The following KLF12 variants were observed in gnomAD, a reference collection of about 807,000 sequenced individuals.
KLF12 encodes KLF transcription factor 12, also known as Krueppel-like factor 12.
In KLF12, 9 loss-of-function variants were observed where a neutral mutation model predicts 37.8. The ratio of observed to expected loss-of-function variants is 0.24; its 90% confidence interval spans 0.14 to 0.42. The LOEUF (loss-of-function observed/expected upper bound fraction) is 0.42. Ranked by LOEUF, KLF12 falls within the 10% of genes least tolerant of loss-of-function variation. The pLI, the probability that KLF12 is intolerant of heterozygous loss-of-function variation, is 1.00. For synonymous variants in KLF12, 208 were observed against 202.1 expected (o/e 1.03, Z -0.25); for missense variants, 411 against 516.0 (o/e 0.80, Z 1.97).
intron 3 of KLF12, among the ~76,000 whole-genome samples, chr13:73,899,213 A>G (rs980086070): frequency 1.1e-4 from 17 of 152,208 alleles, no homozygotes; most frequent in Non-Finnish European, 2.1e-4. Flanking sequence ...GTGGAATAAA[A>G]GCAAGCATGA....
chr13:73,738,121 A>ATATATATG, intron 6 of KLF12, among the ~76,000 whole-genome samples: 1 of 54,094 alleles, frequency 1.8e-5, no homozygotes, highest in South Asian at 5.6e-4. Context: ...ATATATATAT[A>ATATATATG]TATACACACA....
chr13:73,747,044 T>C (rs1039895753), intron 6 of KLF12, among the ~76,000 whole-genome samples: 40 of 152,146 alleles, frequency 2.6e-4, no homozygotes, highest in Non-Finnish European at 5.6e-4. Flanking sequence ...CTCGAACTCC[T>C]GACCTCAAGT....
chr13:73,769,168 T>C (rs1880117419), intron 5 of KLF12, among the ~76,000 whole-genome samples: 1 of 152,224 alleles, frequency 6.6e-6, no homozygotes, highest in Non-Finnish European at 1.5e-5. Flanking sequence ...TTTAAATACA[T>C]AATGTACAAC....
At chr13:73,838,346 A>G (rs1159654306) in intron 4 of KLF12, among the ~76,000 whole-genome samples, 1 of 152,164 alleles carries the variant, frequency 6.6e-6, no homozygotes, top group Non-Finnish European at 1.5e-5. Flanking sequence ...AAACTCCTGA[A>G]TGGATGCTAT....
At chr13:73,981,281 G>A (rs1265970147) in intron 2 of KLF12, among the ~76,000 whole-genome samples, 1 of 149,806 alleles carries the variant, frequency 6.7e-6, no homozygotes, top group Non-Finnish European at 1.5e-5. Context: ...ATATTCCAGA[G>A]AAAATCTTCT....
At chr13:74,298,379 G>A in the KLF12 span, among the ~76,000 whole-genome samples, 2 of 152,132 alleles carry the variant, frequency 1.3e-5, no homozygotes, top group African/African-American at 4.8e-5. Flanking sequence ...ATGTTTGGTA[G>A]GTGAACTTTA....
At chr13:73,752,413 C>T (rs893701360) in intron 6 of KLF12, among the ~76,000 whole-genome samples, 1 of 99,756 alleles carries the variant, frequency 1.0e-5, no homozygotes, top group Non-Finnish European at 2.1e-5. Context: ...ATAGACACAC[C>T]CACACCACAC....
rs1007264037 is a variant in KLF12, at chr13:73,978,383, G to A, written c.33+16607C>T. Among the ~76,000 whole-genome samples, 7 of 152,220 alleles carry A rather than the reference G, an allele frequency of 4.6e-5. No homozygotes were observed. In the East Asian group the frequency reaches 1.2e-3, roughly 25 times the overall value. ...AATATTCCACATTATATGATATCAG[G>A]GAAATGCAAATTAAAGCAACAACGA... On this transcript the variant is annotated intron_variant, in intron 2 of 7. Transcript: ENST00000377669.
chr13:73,987,368 A>G (rs993853811), intron 2 of KLF12, among the ~76,000 whole-genome samples: 2 of 152,172 alleles, frequency 1.3e-5, no homozygotes, highest in African/African-American at 4.8e-5. Flanking sequence ...ATAATCAATT[A>G]CTATGCTGCT....
At chr13:74,185,242 T>A in the KLF12 span, among the ~76,000 whole-genome samples, 9 of 152,252 alleles carry the variant, frequency 5.9e-5, no homozygotes, top group Non-Finnish European at 7.3e-5. Context: ...ATAATATTTT[T>A]AAAAATTCCT....
chr13:74,128,457 A>G (rs1878069332), intron 1 of KLF12, among the ~76,000 whole-genome samples: 1 of 152,164 alleles, frequency 6.6e-6, no homozygotes. Context: ...TTTTGGCCAC[A>G]TTACCCCATT....
intron 3 of KLF12, among the ~76,000 whole-genome samples, chr13:73,896,942 T>C (rs535123791): frequency 6.6e-6 from 1 of 152,304 alleles, no homozygotes; most frequent in East Asian, 1.9e-4. Flanking sequence ...CATAAAAAGT[T>C]CCTTTCCTGG....
At chr13:74,177,191 G>A in the KLF12 span, among the ~76,000 whole-genome samples, 3 of 152,172 alleles carry the variant, frequency 2.0e-5, no homozygotes, top group Non-Finnish European at 2.9e-5. Flanking sequence ...CATGAAAATT[G>A]ACTTTACATC....
intron 5 of KLF12, chr13:73,812,835 GA>G (rs1228113738): frequency 9.5e-6 from 2 of 210,632 alleles, no homozygotes; most frequent in Non-Finnish European, 1.9e-5. Flanking sequence ...TAATAATAAT[GA>G]TGATGATAAT....
the KLF12 span, among the ~76,000 whole-genome samples, chr13:74,267,206 A>T: frequency 6.6e-6 from 1 of 152,208 alleles, no homozygotes; most frequent in Admixed American, 6.6e-5. Flanking sequence ...ATATGACCTT[A>T]TTTGAGAAAG....
the KLF12 span, among the ~76,000 whole-genome samples, chr13:74,254,367 T>C: frequency 6.6e-6 from 1 of 152,208 alleles, no homozygotes; most frequent in African/African-American, 2.4e-5. Flanking sequence ...TTTTACATGA[T>C]CATTGTTATA....
At chr13:73,735,059 G>A (rs375359992) in intron 6 of KLF12, among the ~76,000 whole-genome samples, 17 of 151,538 alleles carry the variant, frequency 1.1e-4, no homozygotes, top group East Asian at 9.7e-4. Context: ...AGGCCAAGGC[G>A]GGAGGATCAC....
At chr13:74,185,301 A>G in the KLF12 span, among the ~76,000 whole-genome samples, 1 of 152,292 alleles carries the variant, frequency 6.6e-6, no homozygotes, top group East Asian at 1.9e-4. Flanking sequence ...ACAGTCTTGG[A>G]ATTTTTAGCA....
chr13:73,949,744 T>C (rs906172866), intron 2 of KLF12, among the ~76,000 whole-genome samples: 1 of 152,224 alleles, frequency 6.6e-6, no homozygotes, highest in Non-Finnish European at 1.5e-5. Flanking sequence ...GATAACTCAG[T>C]TTCATAGAGG....
Sources: allele counts gnomAD v4.1 joint callset (sites outside exome capture counted in the v4.1 genomes callset), GRCh38; gene constraint gnomAD v4.1.1; transcripts MANE v1.5; gene names NCBI Gene and HGNC (gene_info 2026-07-23, HGNC 2026-07-21).